Variants in ARHGAP45 observed in about 807,000 individuals in gnomAD.
ARHGAP45 encodes Rho GTPase activating protein 45.
In ARHGAP45, 56 loss-of-function variants were observed where a neutral mutation model predicts 116.1. The ratio of observed to expected loss-of-function variants is 0.48; its 90% confidence interval spans 0.39 to 0.60. ARHGAP45 has a LOEUF of 0.60. Ranked by LOEUF, ARHGAP45 falls within the 20% of genes least tolerant of loss-of-function variation. ARHGAP45 has a pLI of 0.00. For synonymous variants in ARHGAP45, 866 were observed against 701.7 expected, an observed-to-expected ratio of 1.23 and a Z score of -3.70; for missense variants, 1,622 against 1,601.0, an observed-to-expected ratio of 1.01 and a Z score of -0.22.
rs1230723255 is a variant in ARHGAP45 at position 1,086,117 on chromosome 19, C to G, written c.*111C>G. The G allele has an allele frequency of 3.9e-6, 4 of 1,018,852 alleles. No individual in the cohort carries two copies. The highest frequency in any genetic ancestry group is 4.3e-6 in the Non-Finnish European group (3 of 701,678). The allele number at this position is 1,018,852 out of a possible 1,614,324, so 63.1% of individuals were successfully genotyped here. ...AGGTGCGCCGTCCTGGGGTCGCTGCCGAGAGCGCCTGGACTTCGACGTCCC... is the reference window on the plus strand; with the variant it reads ...AGGTGCGCCGTCCTGGGGTCGCTGCGGAGAGCGCCTGGACTTCGACGTCCC... On this transcript the variant is annotated 3_prime_UTR_variant, in exon 23 of 23. Coordinates refer to ENST00000313093, the MANE Select transcript of ARHGAP45 (RefSeq NM_012292.5).
rs752747465 is a variant in ARHGAP45 at position 1,073,932 on chromosome 19, C to T, written c.724-16C>T. The T allele has an allele frequency of 9.1e-6, 14 of 1,546,002 alleles. No individual in the cohort carries two copies. The highest frequency in any genetic ancestry group is 1.1e-5 in the Non-Finnish European group (13 of 1,145,234). Reference sequence around the variant, plus strand: ...CCCCGCATGGGGCTGGTCTCACCTGCGTCTCCGTCCTACAGTCCATGGAAA... The same window carrying T: ...CCCCGCATGGGGCTGGTCTCACCTGTGTCTCCGTCCTACAGTCCATGGAAA... On this transcript the variant is annotated splice_polypyrimidine_tract_variant and intron_variant, in intron 5 of 22. Transcript: ENST00000313093.
At chr19:1,070,240 T>A (rs982900126) in intron 2 of ARHGAP45, among the ~76,000 whole-genome samples, 1 of 151,926 alleles carries the variant, frequency 6.6e-6, no homozygotes, top group African/African-American at 2.4e-5. Flanking sequence ...GTGATCCGCA[T>A]GCCTCAGCCT....
Position 1,081,877 on chromosome 19 carries a change from C to G in ARHGAP45, c.2433C>G (p.Ala811=). The change falls in exon 19 of 23, where the codon GCC becomes GCG. Residue 811 remains alanine (A), a synonymous_variant. Coordinates refer to ENST00000313093, the MANE Select transcript of ARHGAP45 (RefSeq NM_012292.5). ...VKTRVEKLCQ[A]FENGKELVEL... ...CACGCGTGGAGAAGCTGTGCCAGGCCTTCGAGAACGGCAAGGAGCTGGTCG... is the reference window on the plus strand; with the variant it reads ...CACGCGTGGAGAAGCTGTGCCAGGCGTTCGAGAACGGCAAGGAGCTGGTCG... The G allele has an allele frequency of 3.7e-6, 6 of 1,613,206 alleles. No individual in the cohort carries two copies. The highest frequency in any genetic ancestry group is 5.1e-6 in the Non-Finnish European group (6 of 1,179,880).
chr19:1,074,959 G>T (rs1178289293), intron 10 of ARHGAP45, 80 bp downstream of exon 10: 24 of 1,264,604 alleles, frequency 1.9e-5, no homozygotes, highest in Non-Finnish European at 2.4e-5. Flanking sequence ...GCCCCATAGC[G>T]AGGGCCCTGC....
In ARHGAP45 at chr19:1,071,332, C is replaced by G; in HGVS notation, c.422-1817C>G. On this transcript the variant is annotated intron_variant, in intron 2 of 22. Transcript: ENST00000313093. The surrounding 1 kb of genome is among the most constrained non-coding windows in gnomAD (Gnocchi z 4.6). ...GCGCACCCGGTGCTGGACGAGGGCC[C>G]CGTGCGCTGCCGGGCGGGCCCCCGA... 1 of 1,383,820 alleles carries G rather than the reference C, an allele frequency of 7.2e-7. No homozygotes were observed. The highest frequency in any genetic ancestry group is 1.5e-5 in the African/African-American group (1 of 65,180). 85.7% of individuals were successfully genotyped at this position (1,383,820 alleles called of 1,614,324 possible).
rs1264045595 is a variant in ARHGAP45 at position 1,080,074 on chromosome 19, C to T, written c.1659C>T (p.Pro553=). 1.9e-6 allele frequency: 3 copies of T among 1,612,608 alleles called. No homozygotes were observed. Among genetic ancestry groups the T allele is most frequent in the Admixed American group, 1.7e-5 (1 of 60,022 alleles). Residue 553 remains proline, a synonymous_variant, in exon 13 of 23, where the codon CCC becomes CCT. Coordinates refer to ENST00000313093, the MANE Select transcript of ARHGAP45 (RefSeq NM_012292.5). The part of the protein sequence containing the change: ...HVRQLQRDQE[P]DVHYDFEPHV... ...GCCAGCTGCAGCGGGACCAGGAGCCCGATGTGCACTACGACTTTGAGCCCC... is the reference window on the plus strand; with the variant it reads ...GCCAGCTGCAGCGGGACCAGGAGCCTGATGTGCACTACGACTTTGAGCCCC...
At chr19:1,083,383 C>T in intron 21 of ARHGAP45, 30 bp downstream of exon 21, 1 of 1,526,430 alleles carries the variant, frequency 6.6e-7, no homozygotes, top group Non-Finnish European at 8.8e-7. Flanking sequence ...CGGGGCTGGC[C>T]ACTCGGGGCT....
rs377553940 is a variant in ARHGAP45, at chr19:1,077,970, C to T, written c.1299C>T (p.Ser433=). ...VAKAEEEQAG[S]APGAGSTATK... ...AGGCGGAGGAGGAGCAGGCTGGCAGCGCGCCGGGAGCAGGCAGCACGGCCA... is the reference window on the plus strand; with the variant it reads ...AGGCGGAGGAGGAGCAGGCTGGCAGTGCGCCGGGAGCAGGCAGCACGGCCA... The change falls in exon 11 of 23, where the codon AGC becomes AGT. Residue 433 remains serine (S), a synonymous_variant. Coordinates refer to ENST00000313093, the MANE Select transcript of ARHGAP45 (RefSeq NM_012292.5). The T allele has an allele frequency of 8.7e-5, 135 of 1,553,046 alleles. 1 individual carries two copies. In the Middle Eastern group the frequency reaches 4.8e-3, roughly 56 times the overall value.
At chr19:1,083,480 G>C in intron 21 of ARHGAP45, 127 bp downstream of exon 21, 2 of 781,950 alleles carry the variant, frequency 2.6e-6, no homozygotes, top group Non-Finnish European at 4.1e-6. Flanking sequence ...GGACAGGGCT[G>C]TTCGGGAGGC....
chr19:1,084,542 C>T (rs1391634096), intron 22 of ARHGAP45, among the ~76,000 whole-genome samples, 196 bp downstream of exon 22: 3 of 152,246 alleles, frequency 2.0e-5, no homozygotes, highest in Non-Finnish European at 4.4e-5. Flanking sequence ...ACAGGCAAGG[C>T]AGTGCCTTTT....
At chr19:1,074,589 C>G (rs2043201615) in intron 8 of ARHGAP45, 25 bp from the exon 9 acceptor site, 1 of 1,526,982 alleles carries the variant, frequency 6.5e-7, no homozygotes, top group Non-Finnish European at 8.8e-7. Flanking sequence ...CCTCCCCACC[C>G]AGTGAGCCGG....
chr19:1,076,481 G>GTTTTTTTTTTTTTTTTTTTT (rs1568464614), intron 10 of ARHGAP45, among the ~76,000 whole-genome samples: 14 of 104,172 alleles, frequency 1.3e-4, no homozygotes, highest in African/African-American at 5.5e-4. Flanking sequence ...GTTGGCAGTA[G>GTTTTTTTTTTTTTTTTTTTT]TCTTTTTTTT....
intron 10 of ARHGAP45, among the ~76,000 whole-genome samples, chr19:1,075,226 T>G (rs13345518): frequency 0.044 from 6,300 of 143,634 alleles, 450 homozygotes; most frequent in African/African-American, 0.15. Context: ...GCCATGCTCC[T>G]GCATGTATTC....
intron 2 of ARHGAP45, 118 bp from the exon 3 acceptor site, chr19:1,073,031 T>G (rs897562145): frequency 8.7e-6 from 11 of 1,258,076 alleles, no homozygotes; most frequent in African/African-American, 4.5e-5. Flanking sequence ...ATCTGCCGTC[T>G]TCCACCTCTG....
chr19:1,083,164 C>T lies in ARHGAP45; in HGVS notation c.2766C>T (p.Asp922=). 1.2e-6 allele frequency: 2 copies of T among 1,610,160 alleles called. No homozygotes were observed. The highest frequency in any genetic ancestry group is 1.7e-6 in the Non-Finnish European group (2 of 1,179,414). The change falls in exon 21 of 23, where the codon GAC becomes GAT. Residue 922 remains aspartate (D), a synonymous_variant. Transcript: ENST00000313093. ...GCAGGATCGTGGAGGTGGAGCAGGA[C>T]AACAAGATGACCCCCGGGAACCTGG... The part of the protein sequence containing the change: ...HLRRIVEVEQ[D]NKMTPGNLGI...
Position 1,068,201 on chromosome 19 carries a change from G to T in ARHGAP45, c.91-213G>T. ...CCCGCCCCGGCTGTGGTTTGGGCAA[G>T]GACCGTTGTTTGTGAAAGCTCTAGG... On this transcript the variant is annotated intron_variant, in intron 1 of 22. Coordinates refer to ENST00000313093, the MANE Select transcript of ARHGAP45 (RefSeq NM_012292.5). The surrounding 1 kb of genome is among the most constrained non-coding windows in gnomAD (Gnocchi z 7.5). 1 of 555,336 alleles carries T rather than the reference G, an allele frequency of 1.8e-6. No individual in the cohort carries two copies. The allele number at this position is 555,336 out of a possible 1,614,324, so 34.4% of individuals were successfully genotyped here.
rs758361958 is a variant in ARHGAP45 at position 1,068,586 on chromosome 19, G to T, written c.263G>T (p.Gly88Val). Residue 88 changes from glycine to valine, a missense_variant, in exon 2 of 23, where the codon GGC becomes GTC. By Grantham distance (109) the Gly-to-Val change is moderately radical (BLOSUM62 -3). This residue lies in a region of ARHGAP45 where 279 missense variants were observed against 311.9 expected (regional missense o/e 0.89). Transcript: ENST00000313093. The surrounding 1 kb of genome is among the most constrained non-coding windows in gnomAD (Gnocchi z 7.5). ...PLSGAASWTL[G>V]RSHRSPLTAA... The stretch of plus-strand genomic sequence containing the variant: ...TCGGGTGCTGCCTCCTGGACACTGG[G>T]CCGGAGCCACCGGAGCCCACTGACA... 2.5e-6 allele frequency: 4 copies of T among 1,610,728 alleles called. No homozygotes were observed. The South Asian group carries it at 3.3e-5, about 13-fold the overall frequency.
rs139865539 is a variant in ARHGAP45, at chr19:1,069,284, C to T, written c.421+540C>T. On this transcript the variant is annotated intron_variant, in intron 2 of 22. Coordinates refer to ENST00000313093, the MANE Select transcript of ARHGAP45 (RefSeq NM_012292.5). The surrounding 1 kb of genome is among the most constrained non-coding windows in gnomAD (Gnocchi z 4.1). ...AGGCGGCGGAGGTGCTGGGACCCAG[C>T]GGCCTGCAGGCCGGCAGTTCCGTTT... 6.6e-5 allele frequency among the ~76,000 whole-genome samples: 10 copies of T among 152,246 alleles called. No homozygotes were observed. The highest frequency in any genetic ancestry group is 4.6e-4 in the Admixed American group (7 of 15,286).
intron 2 of ARHGAP45, among the ~76,000 whole-genome samples, chr19:1,070,301 C>CTTTT (rs1348735743): frequency 7.8e-6 from 1 of 127,520 alleles, no homozygotes. Context: ...CCGGGCTTTT[C>CTTTT]TTTTTTTCTT....
Sources: allele counts gnomAD v4.1 joint callset (sites outside exome capture counted in the v4.1 genomes callset), GRCh38; gene constraint gnomAD v4.1.1; regional missense constraint gnomAD v4.1.1; non-coding constraint Gnocchi (gnomAD v3.1); transcripts MANE v1.5; gene names NCBI Gene and HGNC (gene_info 2026-07-23, HGNC 2026-07-21).